NRG1: variants seen among roughly 807,000 people sequenced by gnomAD.
NRG1 encodes the protein pro-neuregulin-1, membrane-bound isoform.
In NRG1, 18 loss-of-function variants were observed where a neutral mutation model predicts 63.8. That is an observed-to-expected ratio of 0.28 (90% CI 0.19 to 0.42). The LOEUF (loss-of-function observed/expected upper bound fraction) is 0.42, where lower values mean the gene tolerates loss of function less well. Among genes scored for constraint, NRG1 ranks in the 10% least tolerant of loss-of-function variants. NRG1 has a pLI of 1.00. For missense variants in NRG1, 762 were observed against 814.7 expected (o/e 0.94, Z 0.79); for synonymous variants, 302 against 301.3 (o/e 1.00, Z -0.02).
At chr8:32,596,721 A>G (rs1843438851) in intron 2 of NRG1, among the ~76,000 whole-genome samples, 1 of 152,196 alleles carries the variant, frequency 6.6e-6, no homozygotes, top group Non-Finnish European at 1.5e-5. Flanking sequence ...ACTTAGATTT[A>G]TGGAAAGAAT....
intron 1 of NRG1, among the ~76,000 whole-genome samples, chr8:32,350,076 C>T (rs1169726794): frequency 6.6e-6 from 1 of 152,176 alleles, no homozygotes; most frequent in Non-Finnish European, 1.5e-5. Context: ...GGATCTCTCT[C>T]TTTCCTTGAG....
At chr8:31,775,810 G>A (rs1041621777) in intron 1 of NRG1, among the ~76,000 whole-genome samples, 25 of 147,412 alleles carry the variant, frequency 1.7e-4, no homozygotes, top group Non-Finnish European at 3.1e-4. Context: ...GTGAACCCAG[G>A]AGGTGGAGCT....
upstream of NRG1, among the ~76,000 whole-genome samples, chr8:32,547,264 C>T (rs1833167345): frequency 6.6e-6 from 1 of 152,054 alleles, no homozygotes; most frequent in East Asian, 1.9e-4. Flanking sequence ...AATTCTCCAC[C>T]AGAGGGAGGA....
chr8:32,280,003 A>G (rs553247955), intron 1 of NRG1, among the ~76,000 whole-genome samples: 1 of 152,326 alleles, frequency 6.6e-6, no homozygotes, highest in African/African-American at 2.4e-5. Flanking sequence ...TGACTTCACT[A>G]CGGAGGCTAG....
intron 1 of NRG1, among the ~76,000 whole-genome samples, chr8:31,976,551 C>A (rs1004794196): frequency 6.6e-6 from 1 of 152,046 alleles, no homozygotes; most frequent in African/African-American, 2.4e-5. Flanking sequence ...ATCCTCTAAT[C>A]CATTCTACAG....
intron 1 of NRG1, among the ~76,000 whole-genome samples, chr8:31,887,374 A>G (rs1300286974): frequency 2.0e-5 from 3 of 152,108 alleles, no homozygotes; most frequent in Non-Finnish European, 4.4e-5. Flanking sequence ...TAATACATCA[A>G]TAAGATTTTA....
At chr8:32,762,238 A>G (rs192308427) in intron 11 of NRG1, among the ~76,000 whole-genome samples, 3 of 152,228 alleles carry the variant, frequency 2.0e-5, no homozygotes, top group African/African-American at 7.2e-5. Flanking sequence ...TTTTTAATGT[A>G]TTAAGGAAGT....
In NRG1 at chr8:32,592,788, A is replaced by G. The variant is rs188090224; in HGVS notation, c.101-3040A>G. Among the ~76,000 whole-genome samples the G allele has an allele frequency of 3.5e-4, 53 of 152,278 alleles. 2 individuals carry two copies. The highest frequency in any genetic ancestry group is 3.0e-3 in the Admixed American group (46 of 15,288). On this transcript the variant is annotated intron_variant, in intron 1 of 11. Coordinates refer to ENST00000356819, the Ensembl canonical transcript of NRG1. ...TCCTTAAAGAGAAGGTATCTGAAGT[A>G]TAGTTGACACTCAGACAATGTAGGC...
At chr8:32,137,350 G>A (rs1193358189) in intron 1 of NRG1, among the ~76,000 whole-genome samples, 12 of 152,108 alleles carry the variant, frequency 7.9e-5, no homozygotes, top group Admixed American at 7.2e-4. Flanking sequence ...GTTGAGGCAG[G>A]AGAATTGCTT....
At chr8:32,023,346 A>G (rs1020366064) in intron 1 of NRG1, among the ~76,000 whole-genome samples, 1 of 152,232 alleles carries the variant, frequency 6.6e-6, no homozygotes, top group African/African-American at 2.4e-5. Context: ...AAATTCCACA[A>G]AAGTGGAATG....
intron 1 of NRG1, among the ~76,000 whole-genome samples, chr8:31,693,933 G>C (rs921004127): frequency 1.5e-4 from 23 of 152,110 alleles, no homozygotes; most frequent in Non-Finnish European, 2.8e-4. Context: ...CTCCTTGCCA[G>C]CTCAAGCCAT....
chr8:32,475,637 C>T (rs998709480), intron 1 of NRG1, among the ~76,000 whole-genome samples: 2 of 152,004 alleles, frequency 1.3e-5, no homozygotes, highest in African/African-American at 2.4e-5. Context: ...CAAACTACTC[C>T]TGGGCTCAAA....
chr8:32,280,714 T>TTTTTTTTTTTTTC (rs1852660955), intron 1 of NRG1, among the ~76,000 whole-genome samples: 1 of 126,156 alleles, frequency 7.9e-6, no homozygotes, highest in Middle Eastern at 4.0e-3. Context: ...TTTTTTTTTT[T>TTTTTTTTTTTTTC]CAGATAAACC....
At chr8:32,035,623 G>A (rs1818917843) in intron 1 of NRG1, among the ~76,000 whole-genome samples, 1 of 152,178 alleles carries the variant, frequency 6.6e-6, no homozygotes, top group African/African-American at 2.4e-5. Flanking sequence ...GGGTGCTCCT[G>A]TATTGGGTGC....
chr8:32,552,592 G>C (rs4236709), intron 1 of NRG1, among the ~76,000 whole-genome samples: 4 of 152,058 alleles, frequency 2.6e-5, no homozygotes, highest in Admixed American at 2.6e-4. Context: ...TGACCCTAAC[G>C]GGGCAGCCTG....
At chr8:31,919,103 A>G (rs1323014317) in intron 1 of NRG1, among the ~76,000 whole-genome samples, 1 of 150,766 alleles carries the variant, frequency 6.6e-6, no homozygotes, top group East Asian at 1.9e-4. Flanking sequence ...TTTTTTCTTT[A>G]TTAGTCTTGC....
At chr8:32,772,032 A>C (rs1193193541), downstream of NRG1, among the ~76,000 whole-genome samples, 2 of 13,054 alleles carry the variant, frequency 1.5e-4, no homozygotes, top group East Asian at 1.9e-3. Context: ...TCAAAAAAAA[A>C]AAAAATATGT....
chr8:32,195,816 A>G (rs1842897011), intron 1 of NRG1, among the ~76,000 whole-genome samples: 1 of 152,182 alleles, frequency 6.6e-6, no homozygotes, highest in African/African-American at 2.4e-5. Flanking sequence ...ATTGTTTAAT[A>G]TATTTAAGAA....
intron 7 of NRG1, among the ~76,000 whole-genome samples, chr8:32,745,128 C>A (rs1271895588): frequency 2.0e-5 from 3 of 152,010 alleles, no homozygotes; most frequent in Non-Finnish European, 4.4e-5. Flanking sequence ...TCTCTGCAAA[C>A]CCCTACATAG....
Sources: gnomAD v4.1 joint callset for allele counts (sites outside exome capture counted in the v4.1 genomes callset) on GRCh38, gnomAD v4.1.1 for gene constraint, MANE v1.5 for transcripts, NCBI Gene and HGNC (gene_info 2026-07-23, HGNC 2026-07-21) for gene names.